Variants in ITGA8 observed in about 807,000 individuals in gnomAD.
ITGA8 encodes the protein integrin alpha-8.
A neutral mutation model predicts 142.3 loss-of-function variants in ITGA8; 91 were observed. That is an observed-to-expected ratio of 0.64 (90% CI 0.54 to 0.76). The LOEUF is 0.76. ITGA8 is among the 30% of genes least tolerant of loss of function. The pLI is 0.00. For synonymous variants in ITGA8, 505 were observed against 485.2 expected (o/e 1.04, Z -0.54); for missense variants, 1,406 against 1,327.7 (o/e 1.06, Z -0.92).
intron 25 of ITGA8, among the ~76,000 whole-genome samples, chr10:15,561,209 CTATA>C (rs529527480): frequency 8.5e-4 from 99 of 116,962 alleles, no homozygotes; most frequent in African/African-American, 2.6e-3. Context: ...TATCTGTTGG[CTATA>C]TATATATATA....
At chr10:15,597,181 AGT>A in intron 21 of ITGA8, 24 bp downstream of exon 21, 1 of 1,552,748 alleles carries the variant, frequency 6.4e-7, no homozygotes, top group Non-Finnish European at 8.9e-7. Flanking sequence ...GAAGGAAATC[AGT>A]CAGTATTTCT....
At chr10:15,621,209 A>T (rs1833484921) in intron 13 of ITGA8, among the ~76,000 whole-genome samples, 1 of 151,960 alleles carries the variant, frequency 6.6e-6, no homozygotes, top group Non-Finnish European at 1.5e-5. Context: ...GACAATTAAA[A>T]TTGGGTCTTT....
At chr10:15,593,221 A>G (rs548552109) in intron 21 of ITGA8, among the ~76,000 whole-genome samples, 2 of 152,212 alleles carry the variant, frequency 1.3e-5, no homozygotes, top group African/African-American at 4.8e-5. Context: ...AACTGCTTTT[A>G]TTATTTTCAT....
intron 15 of ITGA8, among the ~76,000 whole-genome samples, chr10:15,611,040 C>T (rs1300160973): frequency 6.6e-6 from 1 of 152,128 alleles, no homozygotes; most frequent in Non-Finnish European, 1.5e-5. Context: ...CAGAAATCCA[C>T]ATCGATGGAA....
intron 27 of ITGA8, among the ~76,000 whole-genome samples, chr10:15,531,652 T>C (rs1005995549): frequency 8.5e-5 from 13 of 152,050 alleles, no homozygotes; most frequent in African/African-American, 3.1e-4. Context: ...TAAAGAAATG[T>C]ATTGGCTGGG....
chr10:15,691,192 C>A (rs1834927997), intron 2 of ITGA8, among the ~76,000 whole-genome samples: 1 of 152,074 alleles, frequency 6.6e-6, no homozygotes, highest in Admixed American at 6.6e-5. Flanking sequence ...CAAAAGATAA[C>A]AAGTGTTGTG....
intron 3 of ITGA8, among the ~76,000 whole-genome samples, chr10:15,686,477 ATTCT>A: frequency 6.6e-6 from 1 of 152,314 alleles, no homozygotes; most frequent in Admixed American, 6.5e-5. Flanking sequence ...TGCCATGAAA[ATTCT>A]TTCTAGTGTT....
chr10:15,566,712 G>A (rs1460208809), intron 25 of ITGA8, among the ~76,000 whole-genome samples: 1 of 151,808 alleles, frequency 6.6e-6, no homozygotes, highest in Non-Finnish European at 1.5e-5. Context: ...TTGGGAGACT[G>A]AAATGGGAGG....
chr10:15,672,823 C>G lies in ITGA8; in HGVS notation c.677-74G>C, dbSNP rs530897027. On this transcript the variant is annotated intron_variant, in intron 6 of 29. Transcript: ENST00000378076. Reference sequence around the variant, plus strand: ...GCCCTCCATGAGCAGACCCACATTCCCTTGAAAGCTATGGTGGAATTGCTT... The same window carrying G: ...GCCCTCCATGAGCAGACCCACATTCGCTTGAAAGCTATGGTGGAATTGCTT... The G allele has an allele frequency of 1.4e-5, 20 of 1,408,916 alleles. No homozygotes were observed. The South Asian group carries it at 2.9e-4, about 20-fold the overall frequency. 87.3% of individuals were successfully genotyped at this position (1,408,916 alleles called of 1,614,324 possible). A position where few individuals can be genotyped will look rare whatever the true frequency, so the allele number is the denominator to read the frequency against.
chr10:15,585,278 A>G (rs573995504), intron 23 of ITGA8, among the ~76,000 whole-genome samples: 5 of 152,218 alleles, frequency 3.3e-5, no homozygotes, highest in African/African-American at 1.2e-4. Context: ...CTATATTTAC[A>G]TTCTGGCATT....
chr10:15,609,314 C>T (rs925368045), intron 15 of ITGA8, among the ~76,000 whole-genome samples: 1 of 152,148 alleles, frequency 6.6e-6, no homozygotes, highest in Non-Finnish European at 1.5e-5. Flanking sequence ...GGTTTAATGA[C>T]AGTCATAAAC....
At chr10:15,707,246 T>A (rs1482654919) in intron 2 of ITGA8, among the ~76,000 whole-genome samples, 2 of 152,216 alleles carry the variant, frequency 1.3e-5, no homozygotes, top group African/African-American at 4.8e-5. Context: ...AAATGGTACA[T>A]TATCTTGGAT....
Position 15,517,207 on chromosome 10 carries a change from T to A in ITGA8, c.3143A>T (p.Asp1048Val), listed in dbSNP as rs1832979792. The stretch of plus-strand genomic sequence containing the variant: ...TGTCAGCTGTTCCCTGTCGGTCATG[T>A]CCTCCTGAGGAGGTCTGGCTCTGTC... ...FFDRARPPQE[D>V]MTDREQLTND... Residue 1048 changes from aspartate (D) to valine (V), a missense_variant, in exon 30 of 30, where the codon GAC becomes GTC. Asp to Val is a radical substitution (Grantham distance 152, BLOSUM62 -3). Transcript: ENST00000378076. 1 of 1,613,518 alleles carries A rather than the reference T, an allele frequency of 6.2e-7. No individual in the cohort carries two copies. Among genetic ancestry groups the A allele is most frequent in the African/African-American group, 1.3e-5 (1 of 74,870 alleles).
chr10:15,641,139 T>C (rs7908316), intron 13 of ITGA8, among the ~76,000 whole-genome samples: 141,125 of 152,196 alleles, frequency 0.93, 66,192 homozygotes, highest in Non-Finnish European at 1. Flanking sequence ...CTGCAACCTC[T>C]GCCTCCTGGG....
chr10:15,659,197 C>A, intron 9 of ITGA8, 142 bp from the exon 10 acceptor site: 2 of 509,700 alleles, frequency 3.9e-6, no homozygotes, highest in South Asian at 3.3e-5. Context: ...TGAAAGCCCA[C>A]GGAATGATCT....
intron 2 of ITGA8, among the ~76,000 whole-genome samples, chr10:15,710,982 G>T (rs1182029229): frequency 1.3e-5 from 2 of 152,106 alleles, no homozygotes; most frequent in Non-Finnish European, 2.9e-5. Context: ...AAATATCAGA[G>T]CTGAAGAAGA....
chr10:15,653,841 T>C (rs1834133532), intron 11 of ITGA8, among the ~76,000 whole-genome samples: 1 of 151,548 alleles, frequency 6.6e-6, no homozygotes, highest in Non-Finnish European at 1.5e-5. Flanking sequence ...CTTTTTTTTT[T>C]TTTTCTTGTT....
intron 3 of ITGA8, among the ~76,000 whole-genome samples, chr10:15,684,459 T>C (rs1834799675): frequency 6.6e-6 from 1 of 152,080 alleles, no homozygotes; most frequent in Non-Finnish European, 1.5e-5. Context: ...CGCAACCTCC[T>C]GGGCTCAAGT....
chr10:15,700,867 G>A (rs2131726349), intron 2 of ITGA8, among the ~76,000 whole-genome samples: 1 of 152,154 alleles, frequency 6.6e-6, no homozygotes, highest in South Asian at 2.1e-4. Context: ...TGTCTTCATA[G>A]TGCTTACCAC....
Sources: allele counts gnomAD v4.1 joint callset (sites outside exome capture counted in the v4.1 genomes callset), GRCh38; gene constraint gnomAD v4.1.1; transcripts MANE v1.5; gene names NCBI Gene and HGNC (gene_info 2026-07-23, HGNC 2026-07-21).